Variants in EPHB2 observed in about 807,000 individuals in gnomAD.
The protein encoded by EPHB2 is ephrin type-B receptor 2.
A neutral mutation model predicts 96.4 loss-of-function variants in EPHB2; 18 were observed. That is an observed-to-expected ratio of 0.19 (90% CI 0.13 to 0.28). EPHB2 has a LOEUF of 0.28. Among genes scored for constraint, EPHB2 ranks in the 10% least tolerant of loss-of-function variants. The pLI is 1.00. For missense variants in EPHB2, 989 were observed against 1,355.4 expected (o/e 0.73, Z 4.25); for synonymous variants, 506 against 534.1 (o/e 0.95, Z 0.72).
intron 1 of EPHB2, among the ~76,000 whole-genome samples, chr1:22,727,008 G>A (rs538053821): frequency 1.1e-4 from 16 of 152,362 alleles, no homozygotes; most frequent in Middle Eastern, 6.8e-3. Flanking sequence ...GTGAACCAAA[G>A]TGTGAGAAAG....
intron 3 of EPHB2, among the ~76,000 whole-genome samples, chr1:22,795,985 CA>C (rs924156019): frequency 3.9e-5 from 6 of 152,130 alleles, no homozygotes; most frequent in African/African-American, 1.4e-4. Flanking sequence ...TGCCTCTTCC[CA>C]CCCAGGGCAG....
intron 1 of EPHB2, among the ~76,000 whole-genome samples, chr1:22,762,572 A>G (rs1409199360): frequency 6.6e-6 from 1 of 152,124 alleles, no homozygotes; most frequent in African/African-American, 2.4e-5. Flanking sequence ...TCCTGTCTCC[A>G]GCAAGGCTCC....
At chr1:22,912,378 C>T in intron 14 of EPHB2, 66 bp from the exon 15 acceptor site, 1 of 1,605,492 alleles carries the variant, frequency 6.2e-7, no homozygotes, top group Middle Eastern at 1.8e-4. Flanking sequence ...AGCCTACAGG[C>T]ATGTCCCTGC....
chr1:22,806,906 G>T (rs978218792), intron 3 of EPHB2, among the ~76,000 whole-genome samples: 19 of 150,994 alleles, frequency 1.3e-4, no homozygotes, highest in African/African-American at 4.6e-4. Context: ...CCACCCCCCA[G>T]CCCTACTTCC....
intron 3 of EPHB2, among the ~76,000 whole-genome samples, chr1:22,826,077 C>T (rs139695026): frequency 0.013 from 1,981 of 152,226 alleles, 26 homozygotes; most frequent in Non-Finnish European, 0.022. Flanking sequence ...TGGGGAGCCA[C>T]GGCCAGATTC....
intron 9 of EPHB2, 119 bp from the exon 10 acceptor site, chr1:22,905,868 A>C: frequency 6.5e-7 from 1 of 1,533,586 alleles, no homozygotes. Context: ...GGAGTTGCCC[A>C]GTTCTTATGG....
intron 1 of EPHB2, among the ~76,000 whole-genome samples, chr1:22,741,105 A>T (rs1643896237): frequency 6.6e-6 from 1 of 151,906 alleles, no homozygotes; most frequent in South Asian, 2.1e-4. Flanking sequence ...CCTATGGGGC[A>T]CTGGCTTTGG....
Position 22,895,531 on chromosome 1 carries a change from G to A in EPHB2, c.1651G>A (p.Gly551Ser). Reference protein sequence around the residue: ...LPLIIGSSAAGLVFLIAVVVI... With the variant: ...LPLIIGSSAASLVFLIAVVVI... The stretch of plus-strand genomic sequence containing the variant: ...ACTCATCATCGGCTCCTCGGCCGCT[G>A]GCCTGGTCTTCCTCATTGCTGTGGT... The change falls in exon 8 of 16, where the codon GGC (glycine) becomes AGC (serine). Residue 551 changes from glycine to serine, a missense_variant. Gly to Ser is a moderately conservative substitution (Grantham distance 56, BLOSUM62 0). Transcript: ENST00000374630. 6.2e-7 allele frequency: 1 copy of A among 1,614,258 alleles called. No individual in the cohort carries two copies. Among genetic ancestry groups the A allele is most frequent in the Non-Finnish European group, 8.5e-7 (1 of 1,180,048 alleles).
chr1:22,775,056 C>G (rs1355727698), intron 1 of EPHB2: 9 of 677,510 alleles, frequency 1.3e-5, no homozygotes, highest in Non-Finnish European at 2.2e-5. Flanking sequence ...CTCCTCCTGC[C>G]CCTTGCTATT....
chr1:22,795,022 C>T (rs1644746752), intron 3 of EPHB2, among the ~76,000 whole-genome samples: 1 of 152,200 alleles, frequency 6.6e-6, no homozygotes, highest in African/African-American at 2.4e-5. Context: ...AAGAGCTTTT[C>T]ATTGCTCTGC....
intron 1 of EPHB2, among the ~76,000 whole-genome samples, chr1:22,780,708 C>A (rs67288087): frequency 0.12 from 18,983 of 152,076 alleles, 1,837 homozygotes; most frequent in East Asian, 0.56. Context: ...GGCAGAGCCT[C>A]GGAAACCCAT....
intron 3 of EPHB2, among the ~76,000 whole-genome samples, chr1:22,861,216 G>A (rs1032805852): frequency 6.6e-6 from 1 of 152,308 alleles, no homozygotes; most frequent in Admixed American, 6.5e-5. Flanking sequence ...ACTTCCCCGA[G>A]GCCACACTGC....
chr1:22,718,770 G>T (rs984957700), intron 1 of EPHB2, among the ~76,000 whole-genome samples: 1 of 152,128 alleles, frequency 6.6e-6, no homozygotes, highest in Non-Finnish European at 1.5e-5. Context: ...CCCACAGGTC[G>T]TTGTATTATT....
intron 6 of EPHB2, among the ~76,000 whole-genome samples, chr1:22,889,482 A>G (rs984388208): frequency 2.6e-5 from 4 of 152,228 alleles, no homozygotes; most frequent in South Asian, 2.1e-4. Flanking sequence ...TTCATTCATT[A>G]TGTCAATAAT....
intron 6 of EPHB2, among the ~76,000 whole-genome samples, chr1:22,888,971 A>G (rs544763700): frequency 1.6e-4 from 24 of 152,298 alleles, no homozygotes; most frequent in Non-Finnish European, 2.6e-4. Flanking sequence ...CCTGGGTAAC[A>G]TGATGAAACC....
chr1:22,804,601 G>A (rs565370314), intron 3 of EPHB2, among the ~76,000 whole-genome samples: 20 of 133,454 alleles, frequency 1.5e-4, no homozygotes, highest in African/African-American at 5.0e-4. Context: ...GAACCTCCCC[G>A]CCCCACCCTG....
intron 1 of EPHB2, among the ~76,000 whole-genome samples, chr1:22,776,004 CCAGCGAGGCTGG>C (rs1644446213): frequency 6.6e-6 from 1 of 152,134 alleles, no homozygotes; most frequent in Non-Finnish European, 1.5e-5. Flanking sequence ...GTGGGTGGTA[CCAGCGAGGCTGG>C]CAAGGATGTG....
intron 5 of EPHB2, among the ~76,000 whole-genome samples, chr1:22,866,111 C>A (rs987558058): frequency 1.6e-4 from 25 of 152,170 alleles, no homozygotes; most frequent in African/African-American, 6.0e-4. Context: ...CATCCCCCCA[C>A]CTGAGGGCCA....
intron 3 of EPHB2, among the ~76,000 whole-genome samples, chr1:22,804,854 T>C (rs974037799): frequency 1.3e-5 from 2 of 151,704 alleles, no homozygotes; most frequent in Non-Finnish European, 2.9e-5. Flanking sequence ...TCTCTGTTTC[T>C]CTCTCTCCCT....
Sources: allele counts gnomAD v4.1 joint callset (sites outside exome capture counted in the v4.1 genomes callset), GRCh38; gene constraint gnomAD v4.1.1; transcripts MANE v1.5; gene names NCBI Gene and HGNC (gene_info 2026-07-23, HGNC 2026-07-21).